RARA: variants seen among roughly 807,000 people sequenced by gnomAD.
RARA encodes retinoic acid receptor alpha, also known as PML-DDX5-RARA fusion.
A neutral mutation model predicts 42.8 loss-of-function variants in RARA; 5 were observed. That is an observed-to-expected ratio of 0.12 (90% CI 0.06 to 0.25). The LOEUF is 0.25. RARA is among the 10% of genes least tolerant of loss of function. RARA has a pLI of 1.00. For missense variants in RARA, 402 were observed against 628.7 expected, an observed-to-expected ratio of 0.64 and a Z score of 3.86; for synonymous variants, 256 against 259.5, an observed-to-expected ratio of 0.99 and a Z score of 0.13.
intron 2 of RARA, 51 bp downstream of exon 2, chr17:40,331,447 G>A (rs1263526381): frequency 8.9e-6 from 14 of 1,570,738 alleles, no homozygotes; most frequent in Non-Finnish European, 1.1e-5. Flanking sequence ...GAGGGTGGCA[G>A]GCCTCAGAGC....
chr17:40,335,327 C>G (rs1298653784), intron 2 of RARA, among the ~76,000 whole-genome samples: 2 of 151,562 alleles, frequency 1.3e-5, no homozygotes, highest in African/African-American at 2.4e-5. Context: ...TTTTGTTCAC[C>G]CTGGGAATTC....
At chr17:40,312,232 C>G (rs2033109637) in intron 1 of RARA, among the ~76,000 whole-genome samples, 1 of 152,340 alleles carries the variant, frequency 6.6e-6, no homozygotes, top group African/African-American at 2.4e-5. Flanking sequence ...GAAGGTTTCC[C>G]TCTAGACCGC....
chr17:40,344,575 A>G (rs2034190094), intron 2 of RARA, among the ~76,000 whole-genome samples: 2 of 152,068 alleles, frequency 1.3e-5, no homozygotes, highest in Admixed American at 1.3e-4. Flanking sequence ...GAGAGGGAGG[A>G]GGATCACAGA....
chr17:40,352,064 C>T lies in RARA; in HGVS notation c.624C>T (p.Tyr208=). 6.4e-7 allele frequency: 1 copy of T among 1,573,564 alleles called. No homozygotes were observed. The change falls in exon 5 of 9, where the codon TAC becomes TAT. Residue 208 remains tyrosine, a synonymous_variant. Transcript: ENST00000254066. The surrounding 1 kb of genome is among the most constrained non-coding windows in gnomAD (Gnocchi z 4.9). ...CTGCCCTCTGCCAGCTGGGCAAATA[C>T]ACTACGGTATGGCTTTCCCCCGGCC... ...TFPALCQLGK[Y]TTNNSSEQRV... is the part of the protein sequence containing the mutation.
rs79807495 is a variant in RARA at position 40,344,648 on chromosome 17, G to A, written c.179-3668G>A. ...AAACCACTGGACATGGGGAAGTGGAGACCTGTCCCCACATCCATTCTGGGG... is the reference window on the plus strand; with the variant it reads ...AAACCACTGGACATGGGGAAGTGGAAACCTGTCCCCACATCCATTCTGGGG... On this transcript the variant is annotated intron_variant, in intron 2 of 8. Transcript: ENST00000254066. Among the ~76,000 whole-genome samples the A allele has an allele frequency of 6.6e-5, 10 of 152,342 alleles. No individual in the cohort carries two copies. The East Asian group carries it at 1.7e-3, about 26-fold the overall frequency.
At position 40,357,471 on chromosome 17, in the gene RARA, C is replaced by T; in HGVS notation, c.*1245C>T. ...CCCCCTCCTTACCCCGCAGGACGGG[C>T]CTACAGGGGGGTCTCCCCTCACCCC... is the stretch of plus-strand genomic sequence containing the variant. On this transcript the variant is annotated 3_prime_UTR_variant, in exon 9 of 9. Transcript: ENST00000254066. 1 of 183,814 alleles carries T rather than the reference C, an allele frequency of 5.4e-6. No homozygotes were observed. The highest frequency in any genetic ancestry group is 1.1e-5 in the Non-Finnish European group (1 of 91,224). 11.4% of individuals were successfully genotyped at this position (183,814 alleles called of 1,614,324 possible).
chr17:40,341,651 C>CGAGTTCAGCGA, intron 2 of RARA: 1 of 1,344,062 alleles, frequency 7.4e-7, no homozygotes, highest in Non-Finnish European at 9.5e-7. Flanking sequence ...CGCCGCCAGG[C>CGAGTTCAGCGA]GAGTTCAGCG....
intron 1 of RARA, among the ~76,000 whole-genome samples, chr17:40,323,754 G>C (rs55656553): frequency 0.096 from 13,221 of 137,310 alleles, 886 homozygotes; most frequent in East Asian, 0.31. Flanking sequence ...ATGGGTCGGA[G>C]GGGGGGTATG....
chr17:40,315,121 TG>T (rs2033170237), intron 1 of RARA, among the ~76,000 whole-genome samples: 1 of 106,768 alleles, frequency 9.4e-6, no homozygotes. Context: ...TATATATATA[TG>T]CTTATATGTG....
At chr17:40,348,689 T>A (rs2034347015) in intron 3 of RARA, 8 of 457,612 alleles carry the variant, frequency 1.7e-5, no homozygotes, top group Middle Eastern at 5.8e-4. Context: ...CTGCCTCAGC[T>A]CCTTTCCCTG....
In RARA at chr17:40,356,127, G is replaced by C; in HGVS notation, c.1290G>C (p.Gly430=). ...CTCTGAGCGGACAGCCGGGGGGTGG[G>C]GGGCGGGACGGGGGTGGCCTGGCCC... ...LDTLSGQPGG[G]GRDGGGLAPP... The change falls in exon 9 of 9, where the codon GGG becomes GGC. Residue 430 remains glycine, a synonymous_variant. Transcript: ENST00000254066. 1.2e-6 allele frequency: 1 copy of C among 855,616 alleles called. No homozygotes were observed. 53.0% of individuals were successfully genotyped at this position (855,616 alleles called of 1,614,324 possible). A position where few individuals can be genotyped will look rare whatever the true frequency, so the allele number is the denominator to read the frequency against.
chr17:40,347,597 C>T (rs1325346145), intron 2 of RARA, among the ~76,000 whole-genome samples: 7 of 152,164 alleles, frequency 4.6e-5, no homozygotes, highest in Admixed American at 2.0e-4. Flanking sequence ...TGGGAACAGA[C>T]CCCCTTTGTC....
At chr17:40,335,502 C>T (rs888775270) in intron 2 of RARA, among the ~76,000 whole-genome samples, 1 of 151,718 alleles carries the variant, frequency 6.6e-6, no homozygotes, top group African/African-American at 2.4e-5. Context: ...CCAGCCTGGC[C>T]AACATGGTGA....
chr17:40,329,074 T>G (rs779773175), intron 1 of RARA, among the ~76,000 whole-genome samples: 3 of 152,150 alleles, frequency 2.0e-5, no homozygotes, highest in Non-Finnish European at 2.9e-5. Flanking sequence ...TCGCCAGTAC[T>G]TGTTATTATC....
chr17:40,321,807 G>A (rs2033392184), intron 1 of RARA, among the ~76,000 whole-genome samples: 1 of 152,132 alleles, frequency 6.6e-6, no homozygotes, highest in African/African-American at 2.4e-5. Context: ...TGTAATTTCT[G>A]CAGCTAGGCA....
At chr17:40,340,418 G>T (rs1282775201) in intron 2 of RARA, among the ~76,000 whole-genome samples, 1 of 152,116 alleles carries the variant, frequency 6.6e-6, no homozygotes, top group East Asian at 1.9e-4. Context: ...GGTCTGGCCT[G>T]AGCCCACCTC....
chr17:40,322,883 C>G (rs552281506), intron 1 of RARA: 1 of 152,236 alleles, frequency 6.6e-6, no homozygotes, highest in South Asian at 2.1e-4. Flanking sequence ...ACAGCTGATT[C>G]CCCAGGGGGT....
intron 2 of RARA, among the ~76,000 whole-genome samples, chr17:40,335,320 TG>T (rs1228664490): frequency 1.3e-5 from 2 of 152,072 alleles, no homozygotes; most frequent in Admixed American, 1.3e-4. Context: ...TGCCTTTTTT[TG>T]TTCACCCTGG....
intron 1 of RARA, among the ~76,000 whole-genome samples, chr17:40,311,185 C>T (rs571087924): frequency 5.9e-5 from 9 of 152,162 alleles, no homozygotes; most frequent in Admixed American, 1.3e-4. Context: ...TAATCGGATT[C>T]GACAGCTGAG....
Sources: allele counts gnomAD v4.1 joint callset (sites outside exome capture counted in the v4.1 genomes callset), GRCh38; gene constraint gnomAD v4.1.1; non-coding constraint Gnocchi (gnomAD v3.1); transcripts MANE v1.5; gene names NCBI Gene and HGNC (gene_info 2026-07-23, HGNC 2026-07-21).